DPYD: variants seen among roughly 807,000 people sequenced by gnomAD.
DPYD encodes the protein dihydropyrimidine dehydrogenase [NADP(+)].
A neutral mutation model predicts 116.2 loss-of-function variants in DPYD; 109 were observed. That is an observed-to-expected ratio of 0.94 (90% CI 0.80 to 1.10). DPYD has a LOEUF of 1.10. Among genes scored for constraint, DPYD ranks in the 50% least tolerant of loss-of-function variants. The pLI, the probability that DPYD is intolerant of heterozygous loss-of-function variation, is 0.00. For missense variants in DPYD, 1,302 were observed against 1,254.5 expected (o/e 1.04, Z -0.57); for synonymous variants, 440 against 432.0 (o/e 1.02, Z -0.23).
chr1:97,093,948 C>A (rs1172198502), intron 21 of DPYD, among the ~76,000 whole-genome samples: 1 of 151,932 alleles, frequency 6.6e-6, no homozygotes, highest in Non-Finnish European at 1.5e-5. Flanking sequence ...CCCTTTCTGG[C>A]AGCTTCAGCT....
chr1:97,192,554 G>T (rs1467563071), intron 20 of DPYD, among the ~76,000 whole-genome samples: 1 of 152,152 alleles, frequency 6.6e-6, no homozygotes, highest in Non-Finnish European at 1.5e-5. Context: ...TAAATGTAGT[G>T]TATATTTCTT....
chr1:97,852,840 C>A (rs1670639177), intron 2 of DPYD, among the ~76,000 whole-genome samples: 1 of 152,136 alleles, frequency 6.6e-6, no homozygotes, highest in African/African-American at 2.4e-5. Context: ...TACTCATACA[C>A]ATTTTCCTCA....
chr1:97,322,948 C>T (rs1041116035), intron 16 of DPYD: 1 of 151,798 alleles, frequency 6.6e-6, no homozygotes, highest in Non-Finnish European at 1.5e-5. Context: ...CTCTGCAATA[C>T]GAATACATCT....
intron 11 of DPYD, among the ~76,000 whole-genome samples, chr1:97,565,786 C>T (rs551351758): frequency 3.3e-5 from 5 of 152,192 alleles, no homozygotes; most frequent in East Asian, 1.9e-4. Context: ...GTGCCTGGAA[C>T]ACAGTTGTGC....
At chr1:97,224,309 A>G (rs909854503) in intron 19 of DPYD, among the ~76,000 whole-genome samples, 1 of 152,020 alleles carries the variant, frequency 6.6e-6, no homozygotes, top group Non-Finnish European at 1.5e-5. Context: ...TAGGAAAATG[A>G]TCTGGAGTAC....
chr1:97,532,104 CT>C (rs1340707291), intron 12 of DPYD, among the ~76,000 whole-genome samples: 1 of 151,914 alleles, frequency 6.6e-6, no homozygotes, highest in African/African-American at 2.4e-5. Flanking sequence ...ATATGGATGC[CT>C]TTTATTTCTT....
chr1:97,356,181 C>T (rs952569809), intron 16 of DPYD, among the ~76,000 whole-genome samples: 5 of 152,030 alleles, frequency 3.3e-5, no homozygotes, highest in East Asian at 1.9e-4. Flanking sequence ...TAGTGATCAC[C>T]GATGTTGAGC....
At chr1:97,225,139 T>C (rs1186497641) in intron 19 of DPYD, among the ~76,000 whole-genome samples, 1 of 152,030 alleles carries the variant, frequency 6.6e-6, no homozygotes, top group African/African-American at 2.4e-5. Context: ...GGTCACATCG[T>C]AGTTCTGTTT....
In DPYD at chr1:97,673,319, C is replaced by T. The variant is rs182367503; in HGVS notation, c.850+5776G>A. On this transcript the variant is annotated intron_variant, in intron 8 of 22. Coordinates refer to ENST00000370192, the MANE Select transcript of DPYD (RefSeq NM_000110.4). ...TTACTGCTATTATTACCAATATCAC[C>T]ACTGCTAATATCACTATTCCTACTT... 7.9e-5 allele frequency among the ~76,000 whole-genome samples: 12 copies of T among 152,112 alleles called. No individual in the cohort carries two copies. In the East Asian group the frequency reaches 2.3e-3, roughly 29 times the overall value.
chr1:97,235,006 C>G lies in DPYD; in HGVS notation c.2300-12G>C. ...TCTGATTGCTGTCCCTACACAAAAT[C>G]AGAATAATCAATGGTTAGCACACTG... On this transcript the variant is annotated splice_polypyrimidine_tract_variant and intron_variant, in intron 18 of 22. Transcript: ENST00000370192. 1 of 1,614,078 alleles carries G rather than the reference C, an allele frequency of 6.2e-7. No homozygotes were observed. The highest frequency in any genetic ancestry group is 1.3e-5 in the African/African-American group (1 of 75,050).
chr1:97,381,878 G>T (rs1409252302), intron 15 of DPYD, among the ~76,000 whole-genome samples: 3 of 152,206 alleles, frequency 2.0e-5, no homozygotes, highest in Non-Finnish European at 4.4e-5. Flanking sequence ...TGGAAAACCT[G>T]CTGACTAGTG....
intron 11 of DPYD, 30 bp from the exon 12 acceptor site, chr1:97,549,774 A>C (rs769926881): frequency 9.5e-6 from 15 of 1,574,270 alleles, no homozygotes; most frequent in Non-Finnish European, 1.2e-5. Flanking sequence ...ACAATAGACA[A>C]TCACTAGTCA....
intron 14 of DPYD, among the ~76,000 whole-genome samples, chr1:97,436,202 G>A (rs1675462027): frequency 2.6e-5 from 4 of 151,908 alleles, no homozygotes; most frequent in Admixed American, 2.6e-4. Flanking sequence ...TGATTGTTAT[G>A]AAATAGTACC....
At chr1:97,897,855 G>A (rs1368777732) in intron 1 of DPYD, among the ~76,000 whole-genome samples, 2 of 151,674 alleles carry the variant, frequency 1.3e-5, no homozygotes. Context: ...CCTCATTATG[G>A]GTGGTATTTT....
intron 18 of DPYD, among the ~76,000 whole-genome samples, chr1:97,268,152 T>C (rs138160166): frequency 6.6e-6 from 1 of 152,338 alleles, no homozygotes; most frequent in East Asian, 1.9e-4. Context: ...TTTGACTCTA[T>C]GTCCCACCTC....
chr1:97,382,872 GTT>G (rs1360746125), intron 14 of DPYD, among the ~76,000 whole-genome samples: 2 of 149,206 alleles, frequency 1.3e-5, no homozygotes, highest in Non-Finnish European at 3.0e-5. Flanking sequence ...CAGTGAAAAG[GTT>G]TTAAGTGATG....
In DPYD at chr1:97,443,907, C is replaced by T. The variant is rs116398459; in HGVS notation, c.1905+6152G>A. 6.0e-3 allele frequency among the ~76,000 whole-genome samples: 919 copies of T among 152,248 alleles called. 11 individuals carry two copies. The highest frequency in any genetic ancestry group is 0.021 in the African/African-American group (871 of 41,540). On this transcript the variant is annotated intron_variant, in intron 14 of 22. Coordinates refer to ENST00000370192, the MANE Select transcript of DPYD (RefSeq NM_000110.4). ...TACAAGGGCTCTGGACTAACGTACG[C>T]CCATCAAGTAAGCAATAAGCATCCT...
intron 8 of DPYD, among the ~76,000 whole-genome samples, chr1:97,651,237 C>T (rs1232510536): frequency 2.0e-5 from 3 of 152,052 alleles, no homozygotes; most frequent in Non-Finnish European, 2.9e-5. Context: ...TGCAAGAATT[C>T]CAACTGAGGC....
At chr1:97,262,854 A>G (rs1663980105) in intron 18 of DPYD, among the ~76,000 whole-genome samples, 1 of 152,068 alleles carries the variant, frequency 6.6e-6, no homozygotes, top group Non-Finnish European at 1.5e-5. Flanking sequence ...TCCACTGTGA[A>G]CATGATAAGG....
Sources: gnomAD v4.1 joint callset for allele counts (sites outside exome capture counted in the v4.1 genomes callset) on GRCh38, gnomAD v4.1.1 for gene constraint, MANE v1.5 for transcripts, NCBI Gene and HGNC (gene_info 2026-07-23, HGNC 2026-07-21) for gene names.